YWHAQ: variants seen among roughly 807,000 people sequenced by gnomAD.
The protein encoded by YWHAQ is tyrosine 3-monooxygenase/tryptophan 5-monooxygenase activation protein theta.
YWHAQ carries 6 observed loss-of-function variants against 28.3 expected under a neutral mutation model. The ratio of observed to expected loss-of-function variants is 0.21; its 90% CI spans 0.12 to 0.42. YWHAQ has a LOEUF of 0.42. YWHAQ is among the 10% of genes least tolerant of loss of function. The pLI is 1.00. For synonymous variants in YWHAQ, 143 were observed against 119.1 expected, an observed-to-expected ratio of 1.20 and a Z score of -1.31; for missense variants, 201 against 305.6, an observed-to-expected ratio of 0.66 and a Z score of 2.55.
intron 2 of YWHAQ, among the ~76,000 whole-genome samples, chr2:9,603,270 A>T (rs1243230329): frequency 3.9e-5 from 5 of 128,730 alleles, no homozygotes; most frequent in Non-Finnish European, 8.1e-5. Context: ...TCTCCCTTGA[A>T]TTTTTTTTTT....
intron 2 of YWHAQ, among the ~76,000 whole-genome samples, chr2:9,596,591 C>G (rs1666574747): frequency 6.6e-6 from 1 of 152,156 alleles, no homozygotes; most frequent in Non-Finnish European, 1.5e-5. Flanking sequence ...GAATCTCTAA[C>G]TTTAGGATAC....
At chr2:9,590,385 T>G (rs1014883195) in intron 3 of YWHAQ, among the ~76,000 whole-genome samples, 3 of 152,250 alleles carry the variant, frequency 2.0e-5, no homozygotes, top group Admixed American at 6.5e-5. Flanking sequence ...ACAAGTTCTC[T>G]TTATATATTC....
intron 5 of YWHAQ, among the ~76,000 whole-genome samples, chr2:9,586,347 G>C (rs1250461081): frequency 1.3e-5 from 2 of 152,108 alleles, no homozygotes; most frequent in African/African-American, 4.8e-5. Flanking sequence ...TAGACCAACA[G>C]CAAGACATTA....
At chr2:9,586,836 A>T (rs1190559995) in intron 5 of YWHAQ, among the ~76,000 whole-genome samples, 2 of 152,226 alleles carry the variant, frequency 1.3e-5, no homozygotes, top group Admixed American at 1.3e-4. Context: ...TTGAACCTAC[A>T]AAAGAATGTT....
At chr2:9,616,577 T>TAA (rs200343684) in intron 2 of YWHAQ, among the ~76,000 whole-genome samples, 13 of 146,126 alleles carry the variant, frequency 8.9e-5, no homozygotes, top group South Asian at 2.2e-4. Flanking sequence ...ATAATATATT[T>TAA]AAAAAAAAAA....
chr2:9,593,923 T>TATATATATACACACAC (rs377495113), intron 2 of YWHAQ, among the ~76,000 whole-genome samples: 1 of 135,152 alleles, frequency 7.4e-6, no homozygotes, highest in African/African-American at 2.9e-5. Flanking sequence ...TATATATATA[T>TATATATATACACACAC]ACACACACAC....
At chr2:9,596,622 A>G (rs1666575313) in intron 2 of YWHAQ, among the ~76,000 whole-genome samples, 1 of 152,180 alleles carries the variant, frequency 6.6e-6, no homozygotes, top group South Asian at 2.1e-4. Context: ...CATTATTTCT[A>G]TATTATCAGT....
intron 2 of YWHAQ, among the ~76,000 whole-genome samples, chr2:9,629,510 A>G (rs575446537): frequency 6.6e-6 from 1 of 152,318 alleles, no homozygotes; most frequent in Admixed American, 6.5e-5. Context: ...ATTCACTTCA[A>G]CACTAGTGTT....
chr2:9,619,455 A>C (rs976200210), intron 2 of YWHAQ, among the ~76,000 whole-genome samples: 4 of 152,192 alleles, frequency 2.6e-5, no homozygotes. Context: ...TTTAAATGTT[A>C]TATGTGCACT....
chr2:9,619,363 C>T (rs995777511), intron 2 of YWHAQ, among the ~76,000 whole-genome samples: 1 of 152,084 alleles, frequency 6.6e-6, no homozygotes, highest in African/African-American at 2.4e-5. Flanking sequence ...TCAGTGTACA[C>T]TGTACTATTT....
intron 2 of YWHAQ, chr2:9,628,602 A>T (rs1455524061): frequency 6.6e-6 from 1 of 152,256 alleles, no homozygotes; most frequent in Non-Finnish European, 1.5e-5. Flanking sequence ...ACATACATAG[A>T]AAACCTTAAC....
chr2:9,597,985 A>ATTTTTTTTTTTTTTTTTT (rs547582835), intron 2 of YWHAQ, among the ~76,000 whole-genome samples: 2 of 62,476 alleles, frequency 3.2e-5, no homozygotes, highest in Admixed American at 2.1e-4. Flanking sequence ...ATGCCGGGCT[A>ATTTTTTTTTTTTTTTTTT]TTTTTTTTTT....
chr2:9,605,851 C>T (rs1448055613), intron 2 of YWHAQ, among the ~76,000 whole-genome samples: 1 of 151,996 alleles, frequency 6.6e-6, no homozygotes, highest in Admixed American at 6.6e-5. Context: ...CTTGAGCCAC[C>T]GCGCCCAGCC....
intron 2 of YWHAQ, among the ~76,000 whole-genome samples, chr2:9,616,674 T>C (rs563410905): frequency 1.3e-5 from 2 of 152,096 alleles, no homozygotes; most frequent in African/African-American, 4.8e-5. Flanking sequence ...AAAGAGCATA[T>C]ACTAAAGGCC....
chr2:9,617,257 C>T (rs1031202239), intron 2 of YWHAQ, among the ~76,000 whole-genome samples: 6 of 151,644 alleles, frequency 4.0e-5, no homozygotes, highest in Admixed American at 1.3e-4. Flanking sequence ...CCACCACGTC[C>T]GTCCAAAAAA....
At chr2:9,628,777 G>A (rs1408152063) in intron 2 of YWHAQ, 1 of 152,160 alleles carries the variant, frequency 6.6e-6, no homozygotes, top group African/African-American at 2.4e-5. Flanking sequence ...TCAATGCCAA[G>A]CAGGGACTGG....
Position 9,598,929 on chromosome 2 carries a change from G to A in YWHAQ, c.295-7414C>T, listed in dbSNP as rs369884391. Among the ~76,000 whole-genome samples the A allele has an allele frequency of 1.6e-4, 25 of 152,292 alleles. No homozygotes were observed. In the East Asian group the frequency reaches 2.9e-3, roughly 18 times the overall value. On this transcript the variant is annotated intron_variant, in intron 2 of 5. Coordinates refer to ENST00000238081, the MANE Select transcript of YWHAQ (RefSeq NM_006826.4). ...TTAAACTTAGTGAGGAAGGCATGTC[G>A]AAAGCCAAGACAAGCTAAAGCTGGG...
intron 2 of YWHAQ, among the ~76,000 whole-genome samples, chr2:9,608,758 G>A (rs1489641960): frequency 6.6e-6 from 1 of 152,198 alleles, no homozygotes; most frequent in Non-Finnish European, 1.5e-5. Flanking sequence ...AAACCAGCCT[G>A]GCCAACATGG....
At chr2:9,604,412 A>G (rs1410292142) in intron 2 of YWHAQ, among the ~76,000 whole-genome samples, 1 of 152,220 alleles carries the variant, frequency 6.6e-6, no homozygotes, top group Non-Finnish European at 1.5e-5. Context: ...TATGAATTAT[A>G]TTTGACTGAC....
Sources: allele counts gnomAD v4.1 joint callset (sites outside exome capture counted in the v4.1 genomes callset), GRCh38; gene constraint gnomAD v4.1.1; transcripts MANE v1.5; gene names NCBI Gene and HGNC (gene_info 2026-07-23, HGNC 2026-07-21).